The following CHN2 variants were observed in gnomAD, a reference collection of about 807,000 sequenced individuals.
CHN2 encodes the protein beta-chimaerin.
In CHN2, 35 loss-of-function variants were observed where a neutral mutation model predicts 56.3. The observed-to-expected ratio is 0.62, with a 90% CI of 0.47 to 0.82. The LOEUF (loss-of-function observed/expected upper bound fraction) is 0.82, where lower values mean the gene tolerates loss of function less well. CHN2 is among the 40% of genes least tolerant of loss of function. CHN2 has a pLI of 0.00. For missense variants in CHN2, 491 were observed against 580.5 expected, an observed-to-expected ratio of 0.85 and a Z score of 1.58; for synonymous variants, 210 against 212.8, an observed-to-expected ratio of 0.99 and a Z score of 0.12.
intron 6 of CHN2, among the ~76,000 whole-genome samples, chr7:29,476,998 G>C (rs546353740): frequency 1.2e-3 from 186 of 152,326 alleles, no homozygotes; most frequent in Non-Finnish European, 2.4e-3. Flanking sequence ...CTTGTGTATA[G>C]AGAACACTAT....
Position 29,452,343 on chromosome 7 carries a change from C to T in CHN2, c.577-27936C>T, listed in dbSNP as rs78099793. 7.7e-3 allele frequency among the ~76,000 whole-genome samples: 1,167 copies of T among 152,198 alleles called. 17 individuals are homozygous for T. The highest frequency in any genetic ancestry group is 0.027 in the African/African-American group (1,114 of 41,538). ...GGTGAAGGAAGGGAAGGGTCTAGAG[C>T]GCAAAAGTTAAGGAGGCCCTTACTC... On this transcript the variant is annotated intron_variant, in intron 6 of 12. Coordinates refer to ENST00000222792, the MANE Select transcript of CHN2 (RefSeq NM_004067.4).
intron 1 of CHN2, among the ~76,000 whole-genome samples, chr7:29,270,492 TAAAAAAAAA>T (rs869244337): frequency 9.5e-6 from 1 of 105,380 alleles, no homozygotes; most frequent in East Asian, 3.0e-4. Flanking sequence ...CCATCTCTAC[TAAAAAAAAA>T]AAAAAAAAAA....
chr7:29,436,439 A>G (rs1192023170), intron 6 of CHN2, among the ~76,000 whole-genome samples: 2 of 152,150 alleles, frequency 1.3e-5, no homozygotes, highest in African/African-American at 4.8e-5. Context: ...TATTGATGGG[A>G]AAAAAGCTGC....
chr7:29,415,691 G>A (rs1273628073), intron 6 of CHN2, among the ~76,000 whole-genome samples: 1 of 152,174 alleles, frequency 6.6e-6, no homozygotes, highest in Admixed American at 6.5e-5. Context: ...CCAAAGTGTG[G>A]ATCTTATGCC....
chr7:29,209,639 G>A (rs956076273), intron 1 of CHN2, among the ~76,000 whole-genome samples: 1 of 152,226 alleles, frequency 6.6e-6, no homozygotes, highest in East Asian at 1.9e-4. Context: ...TGCGCCTGAT[G>A]TAAGTTGGAA....
chr7:29,262,717 G>T (rs368672502), intron 1 of CHN2, among the ~76,000 whole-genome samples: 79 of 152,276 alleles, frequency 5.2e-4, no homozygotes, highest in African/African-American at 1.9e-3. Flanking sequence ...TGGTGGTGAT[G>T]GTTTTACAAC....
chr7:29,245,474 A>G (rs1788002736), intron 1 of CHN2, among the ~76,000 whole-genome samples: 1 of 152,238 alleles, frequency 6.6e-6, no homozygotes, highest in Non-Finnish European at 1.5e-5. Flanking sequence ...AAGAGTAAGA[A>G]ATAGTCTGTT....
chr7:29,511,263 TC>T (rs1490328152), intron 12 of CHN2, among the ~76,000 whole-genome samples: 1 of 148,332 alleles, frequency 6.7e-6, no homozygotes, highest in Non-Finnish European at 1.5e-5. Flanking sequence ...AACATTTAGC[TC>T]AGAATATTCC....
intron 1 of CHN2, among the ~76,000 whole-genome samples, chr7:29,236,267 C>A (rs2128806411): frequency 1.3e-5 from 2 of 152,340 alleles, no homozygotes; most frequent in East Asian, 3.9e-4. Context: ...GTGAGTAATA[C>A]CCTCACTTGT....
chr7:29,251,724 A>G (rs1788535730), intron 1 of CHN2, among the ~76,000 whole-genome samples: 1 of 152,242 alleles, frequency 6.6e-6, no homozygotes, highest in African/African-American at 2.4e-5. Context: ...TGAGATTGAA[A>G]TGAAGAGAAA....
At chr7:29,273,347 A>ATATATATATATATATATATATATGTG (rs1790848577) in intron 1 of CHN2, among the ~76,000 whole-genome samples, 4 of 37,184 alleles carry the variant, frequency 1.1e-4, no homozygotes, top group South Asian at 1.3e-3. Context: ...ATATGTGTAT[A>ATATATATATATATATATATATATGTG]TATATATATA....
At chr7:29,298,865 C>T (rs2128875921) in intron 1 of CHN2, among the ~76,000 whole-genome samples, 1 of 133,328 alleles carries the variant, frequency 7.5e-6, no homozygotes. Flanking sequence ...CTCCAGTCCT[C>T]ATTTTTGTTA....
rs1036887320 is a variant in CHN2 at position 29,147,157 on chromosome 7, A to G, written c.274+197A>G. On this transcript the variant is annotated intron_variant, in intron 2 of 6. Transcript: ENST00000439384. ...TGAGTGTATATTATTAGCCACCACC[A>G]GGTGCTGGGCATCGAGCCAGACAGT... is the stretch of plus-strand genomic sequence containing the variant. 9 of 718,832 alleles carry G rather than the reference A, an allele frequency of 1.3e-5. No individual in the cohort carries two copies. In the African/African-American group the frequency reaches 1.6e-4, roughly 13 times the overall value. 44.5% of individuals were successfully genotyped at this position (718,832 alleles called of 1,614,324 possible).
chr7:29,453,173 G>T (rs1324220036), intron 6 of CHN2, among the ~76,000 whole-genome samples: 2 of 152,160 alleles, frequency 1.3e-5, no homozygotes, highest in African/African-American at 4.8e-5. Flanking sequence ...CCTTGGAACA[G>T]GCTTTACTGA....
Position 29,366,374 on chromosome 7 carries a change from G to A in CHN2, c.89-1558G>A, listed in dbSNP as rs970887431. On this transcript the variant is annotated intron_variant, in intron 2 of 12. Coordinates refer to ENST00000222792, the MANE Select transcript of CHN2 (RefSeq NM_004067.4). ...GACAGGTAGAAGAGAAGGAGGAGGCGCAGCAACATGCATAGGAAAAAGGCA... is the reference window on the plus strand; with the variant it reads ...GACAGGTAGAAGAGAAGGAGGAGGCACAGCAACATGCATAGGAAAAAGGCA... Among the ~76,000 whole-genome samples the A allele has an allele frequency of 3.9e-5, 6 of 152,050 alleles. No individual in the cohort carries two copies. In the South Asian group the frequency reaches 8.3e-4, roughly 21 times the overall value.
intron 6 of CHN2, among the ~76,000 whole-genome samples, chr7:29,455,956 T>C (rs1784722246): frequency 6.6e-6 from 1 of 152,208 alleles, no homozygotes; most frequent in South Asian, 2.1e-4. Context: ...AACTAAACTT[T>C]GGAGTAGCCA....
At chr7:29,435,591 G>GT (rs1170234697) in intron 6 of CHN2, among the ~76,000 whole-genome samples, 1 of 152,112 alleles carries the variant, frequency 6.6e-6, no homozygotes, top group African/African-American at 2.4e-5. Context: ...TGAGTATTGT[G>GT]TATCTAAATA....
At chr7:29,405,532 CA>C (rs1802581989) in intron 6 of CHN2, among the ~76,000 whole-genome samples, 1 of 152,146 alleles carries the variant, frequency 6.6e-6, no homozygotes, top group Admixed American at 6.5e-5. Context: ...ACCACCCCAC[CA>C]TCACCACGCC....
At chr7:29,394,165 A>T (rs1213158641) in intron 4 of CHN2, among the ~76,000 whole-genome samples, 1 of 152,070 alleles carries the variant, frequency 6.6e-6, no homozygotes, top group Non-Finnish European at 1.5e-5. Context: ...AACCCAAATG[A>T]TGATATCTCT....
Sources: gnomAD v4.1 joint callset for allele counts (sites outside exome capture counted in the v4.1 genomes callset) on GRCh38, gnomAD v4.1.1 for gene constraint, MANE v1.5 for transcripts, NCBI Gene and HGNC (gene_info 2026-07-23, HGNC 2026-07-21) for gene names.